TAF3: variants seen among roughly 807,000 people sequenced by gnomAD.
The protein encoded by TAF3 is transcription initiation factor TFIID subunit 3.
In TAF3, 7 loss-of-function variants were observed where a neutral mutation model predicts 80.6. That is an observed-to-expected ratio of 0.09 (90% CI 0.05 to 0.16). The LOEUF (loss-of-function observed/expected upper bound fraction) is 0.16, where lower values mean the gene tolerates loss of function less well. Ranked by LOEUF, TAF3 falls within the 10% of genes least tolerant of loss-of-function variation. The probability of loss-of-function intolerance (pLI) is 1.00; values close to 1 mark genes in which losing one functional copy is unlikely to be tolerated. For missense variants in TAF3, 921 were observed against 1,140.2 expected (o/e 0.81, Z 2.77); for synonymous variants, 444 against 446.1 (o/e 1.00, Z 0.06).
At chr10:7,843,012 T>G (rs1458339169) in intron 2 of TAF3, among the ~76,000 whole-genome samples, 1 of 152,252 alleles carries the variant, frequency 6.6e-6, no homozygotes, top group Non-Finnish European at 1.5e-5. Context: ...GCTTTGCACC[T>G]GCTAGGGCGT....
intron 2 of TAF3, among the ~76,000 whole-genome samples, chr10:7,869,246 C>CGT (rs990072669): frequency 1.4e-4 from 14 of 101,380 alleles, no homozygotes; most frequent in African/African-American, 3.3e-4. Flanking sequence ...TGACTTCTAC[C>CGT]GTGTGTGTGT....
intron 2 of TAF3, among the ~76,000 whole-genome samples, chr10:7,850,667 T>C (rs1837017879): frequency 6.8e-6 from 1 of 147,680 alleles, no homozygotes; most frequent in African/African-American, 2.5e-5. Context: ...AGAGCAAGAC[T>C]CCATCTCAAA....
chr10:7,968,065 T>C (rs376293070), intron 3 of TAF3, among the ~76,000 whole-genome samples: 168 of 152,270 alleles, frequency 1.1e-3, no homozygotes, highest in South Asian at 9.3e-3. Context: ...AAAATACACC[T>C]GAAATGCGGT....
At chr10:8,013,348 C>CA (rs1832071646) in intron 5 of TAF3, among the ~76,000 whole-genome samples, 1 of 151,654 alleles carries the variant, frequency 6.6e-6, no homozygotes, top group Admixed American at 6.6e-5. Flanking sequence ...CTATAACTTT[C>CA]AAAAAATCAG....
chr10:7,964,608 T>A lies in TAF3; in HGVS notation c.1098T>A (p.Pro366=), dbSNP rs1831549071. 1 of 1,613,942 alleles carries A rather than the reference T, an allele frequency of 6.2e-7. No individual in the cohort carries two copies. Among genetic ancestry groups the A allele is most frequent in the African/African-American group, 1.3e-5 (1 of 74,876 alleles). Residue 366 remains proline, a synonymous_variant, in exon 3 of 7, where the codon CCT becomes CCA. Transcript: ENST00000344293. This position sits in a 1 kb window ranked among gnomAD's most constrained non-coding sequence, Gnocchi z 4.1. ...AGGTAAAACAAATACAGACACCCCC[T>A]GATGCTGGGAAACTGAACAGTGAGA... ...TIQVKQIQTP[P]DAGKLNSENQ... is the part of the protein sequence containing the mutation.
intron 2 of TAF3, among the ~76,000 whole-genome samples, chr10:7,938,693 G>A (rs1837948745): frequency 6.6e-6 from 1 of 152,222 alleles, no homozygotes; most frequent in Admixed American, 6.5e-5. Flanking sequence ...ACTGAGATAA[G>A]AGAGGAGGAA....
At chr10:7,996,389 G>T (rs114141153) in intron 4 of TAF3, among the ~76,000 whole-genome samples, 2 of 152,194 alleles carry the variant, frequency 1.3e-5, no homozygotes, top group Non-Finnish European at 2.9e-5. Flanking sequence ...TGGAGGTGAC[G>T]TGGTTATTTT....
intron 2 of TAF3, among the ~76,000 whole-genome samples, chr10:7,884,391 C>CTG (rs1257267688): frequency 3.4e-5 from 2 of 58,478 alleles, no homozygotes; most frequent in African/African-American, 9.1e-5. Context: ...AGCTCTGCCT[C>CTG]CTTTTTTTTT....
intron 4 of TAF3, among the ~76,000 whole-genome samples, chr10:7,997,110 A>G (rs1831897542): frequency 6.6e-6 from 1 of 152,222 alleles, no homozygotes; most frequent in South Asian, 2.1e-4. Context: ...GGTGTAAACA[A>G]TATGTTTTTT....
At chr10:7,869,538 A>G (rs1837245919) in intron 2 of TAF3, among the ~76,000 whole-genome samples, 1 of 152,184 alleles carries the variant, frequency 6.6e-6, no homozygotes, top group Non-Finnish European at 1.5e-5. Context: ...TGACATTTAG[A>G]TTGTGTAGAA....
At chr10:7,960,421 C>G (rs1026663180) in intron 2 of TAF3, among the ~76,000 whole-genome samples, 4 of 152,130 alleles carry the variant, frequency 2.6e-5, no homozygotes, top group African/African-American at 9.7e-5. Flanking sequence ...TTCTTTGTTG[C>G]ATGTATAACT....
intron 2 of TAF3, among the ~76,000 whole-genome samples, chr10:7,941,117 T>C (rs933242539): frequency 7.9e-5 from 12 of 152,060 alleles, no homozygotes; most frequent in African/African-American, 2.7e-4. Context: ...GAGCCACAAA[T>C]ATGAAGCTGA....
chr10:7,852,725 A>G (rs1837040741), intron 2 of TAF3, among the ~76,000 whole-genome samples: 1 of 152,344 alleles, frequency 6.6e-6, no homozygotes, highest in East Asian at 1.9e-4. Flanking sequence ...CATTAAGTCA[A>G]TAGAAGTTGC....
intron 4 of TAF3, 125 bp from the exon 5 acceptor site, chr10:8,008,953 T>C: frequency 1.5e-6 from 2 of 1,345,976 alleles, no homozygotes; most frequent in Non-Finnish European, 2.0e-6. Flanking sequence ...GTTCTTGAGC[T>C]GCCTCTAGAC....
intron 5 of TAF3, among the ~76,000 whole-genome samples, chr10:8,011,294 G>A (rs939454260): frequency 6.6e-6 from 1 of 151,958 alleles, no homozygotes; most frequent in Non-Finnish European, 1.5e-5. Context: ...CACTCTTCTT[G>A]TCCATACTGG....
intron 2 of TAF3, among the ~76,000 whole-genome samples, chr10:7,871,120 T>G (rs538277851): frequency 9.2e-5 from 14 of 152,314 alleles, no homozygotes; most frequent in Non-Finnish European, 1.5e-4. Context: ...TTCTTAAACT[T>G]TATTAGTTCA....
intron 2 of TAF3, among the ~76,000 whole-genome samples, chr10:7,902,042 C>G (rs1170845013): frequency 6.6e-6 from 1 of 152,120 alleles, no homozygotes; most frequent in Non-Finnish European, 1.5e-5. Context: ...CTCCGCACCC[C>G]ACGTTCGTCA....
At chr10:7,995,614 T>A (rs1831880293) in intron 4 of TAF3, among the ~76,000 whole-genome samples, 1 of 152,214 alleles carries the variant, frequency 6.6e-6, no homozygotes, top group Non-Finnish European at 1.5e-5. Context: ...ATGGAGATTC[T>A]ATAATGGCTA....
intron 2 of TAF3, among the ~76,000 whole-genome samples, chr10:7,897,086 C>T (rs1165634494): frequency 1.3e-5 from 2 of 152,316 alleles, no homozygotes; most frequent in Admixed American, 6.5e-5. Flanking sequence ...GAATCCCCAA[C>T]TTCTTCTTCT....
Sources: gnomAD v4.1 joint callset for allele counts (sites outside exome capture counted in the v4.1 genomes callset) on GRCh38, gnomAD v4.1.1 for gene constraint, Gnocchi (gnomAD v3.1) non-coding constraint, MANE v1.5 for transcripts, NCBI Gene and HGNC (gene_info 2026-07-23, HGNC 2026-07-21) for gene names.